GSG1L: variants seen among roughly 807,000 people sequenced by gnomAD.
The protein encoded by GSG1L is germ cell-specific gene 1-like protein.
A neutral mutation model predicts 42.1 loss-of-function variants in GSG1L; 24 were observed. The observed-to-expected ratio is 0.57, with a 90% confidence interval of 0.41 to 0.80. The LOEUF (loss-of-function observed/expected upper bound fraction) is 0.80, where lower values mean the gene tolerates loss of function less well. Among genes scored for constraint, GSG1L ranks in the 30% least tolerant of loss-of-function variants. The probability of loss-of-function intolerance (pLI) is 0.00; values close to 1 mark genes in which losing one functional copy is unlikely to be tolerated. For synonymous variants in GSG1L, 215 were observed against 203.5 expected (o/e 1.06, Z -0.48); for missense variants, 445 against 472.2 (o/e 0.94, Z 0.53).
chr16:27,986,371 G>A (rs2085382255), intron 1 of GSG1L, among the ~76,000 whole-genome samples: 1 of 151,946 alleles, frequency 6.6e-6, no homozygotes, highest in African/African-American at 2.4e-5. Context: ...GTGGTGGTGT[G>A]CACCTGTAAT....
At chr16:27,973,231 C>T (rs1406208193) in intron 1 of GSG1L, among the ~76,000 whole-genome samples, 1 of 151,966 alleles carries the variant, frequency 6.6e-6, no homozygotes, top group Non-Finnish European at 1.5e-5. Context: ...AGGCAGATCA[C>T]CTGAGGTCAG....
At chr16:28,044,031 A>G (rs911710447) in intron 1 of GSG1L, among the ~76,000 whole-genome samples, 3 of 151,382 alleles carry the variant, frequency 2.0e-5, no homozygotes, top group African/African-American at 4.9e-5. Flanking sequence ...GAAAAAAACA[A>G]ACAAAAAAAA....
At chr16:28,013,682 C>A (rs1235546361) in intron 1 of GSG1L, among the ~76,000 whole-genome samples, 1 of 152,348 alleles carries the variant, frequency 6.6e-6, no homozygotes, top group Non-Finnish European at 1.5e-5. Context: ...AGCATTTCAT[C>A]TCCCACAGCA....
chr16:27,997,642 A>G (rs1233775769), intron 1 of GSG1L, among the ~76,000 whole-genome samples: 1 of 151,954 alleles, frequency 6.6e-6, no homozygotes, highest in Non-Finnish European at 1.5e-5. Flanking sequence ...TGATGTGGAC[A>G]TCTTTGCTTG....
chr16:27,791,358 T>G lies in GSG1L; in HGVS notation c.*12A>C. The G allele has an allele frequency of 7.2e-7, 1 of 1,386,344 alleles. No homozygotes were observed. The highest frequency in any genetic ancestry group is 9.4e-7 in the Non-Finnish European group (1 of 1,058,226). The allele number at this position is 1,386,344 out of a possible 1,614,324, so 85.9% of individuals were successfully genotyped here. Reference sequence around the variant, plus strand: ...GATGGCCTGAGGTCCGCGGGCCAGGTTGAGGTCTTGGTCACACCCAGTGCC... The same window carrying G: ...GATGGCCTGAGGTCCGCGGGCCAGGGTGAGGTCTTGGTCACACCCAGTGCC... On this transcript the variant is annotated 3_prime_UTR_variant, in exon 7 of 7. Coordinates refer to ENST00000447459, the MANE Select transcript of GSG1L (RefSeq NM_001109763.2).
intron 6 of GSG1L, among the ~76,000 whole-genome samples, chr16:27,802,637 C>A (rs2082896408): frequency 6.6e-6 from 1 of 151,938 alleles, no homozygotes; most frequent in Non-Finnish European, 1.5e-5. Flanking sequence ...GGAGGTTAGG[C>A]CCCTTTTGTG....
intron 2 of GSG1L, among the ~76,000 whole-genome samples, chr16:27,906,474 G>T (rs184838199): frequency 1.7e-3 from 265 of 152,216 alleles, no homozygotes; most frequent in Non-Finnish European, 2.8e-3. Flanking sequence ...TTCTTACCCC[G>T]CTTCCCTGAG....
At chr16:27,960,937 TACA>T (rs2085063458) in intron 2 of GSG1L, among the ~76,000 whole-genome samples, 1 of 151,832 alleles carries the variant, frequency 6.6e-6, no homozygotes, top group South Asian at 2.1e-4. Flanking sequence ...AACACAAAGA[TACA>T]ACCTCTTTGG....
At chr16:27,935,589 G>T (rs2084706869) in intron 2 of GSG1L, among the ~76,000 whole-genome samples, 1 of 152,026 alleles carries the variant, frequency 6.6e-6, no homozygotes, top group African/African-American at 2.4e-5. Context: ...CCACCCCTCT[G>T]CCTCAAGGCA....
chr16:27,845,618 T>C (rs2140984266), intron 3 of GSG1L, among the ~76,000 whole-genome samples: 1 of 152,296 alleles, frequency 6.6e-6, no homozygotes. Context: ...CTCAGTGTTT[T>C]GTAGACTTTC....
At chr16:27,805,977 G>A (rs528692970) in intron 6 of GSG1L, among the ~76,000 whole-genome samples, 25 of 152,062 alleles carry the variant, frequency 1.6e-4, no homozygotes, top group African/African-American at 5.8e-4. Context: ...TCTGCAGGGA[G>A]CCTGGGGAGG....
At chr16:27,987,552 T>A (rs1402431714) in intron 1 of GSG1L, among the ~76,000 whole-genome samples, 2 of 152,152 alleles carry the variant, frequency 1.3e-5, no homozygotes, top group Non-Finnish European at 2.9e-5. Context: ...AGCTTTATAG[T>A]TGGTGTGTTA....
chr16:28,039,367 T>A (rs2086078769), intron 1 of GSG1L, among the ~76,000 whole-genome samples: 1 of 152,104 alleles, frequency 6.6e-6, no homozygotes, highest in Non-Finnish European at 1.5e-5. Context: ...GCTGGAGAGA[T>A]TCATGGGTGC....
intron 4 of GSG1L, among the ~76,000 whole-genome samples, chr16:27,844,473 C>T (rs964343619): frequency 6.6e-5 from 10 of 152,154 alleles, no homozygotes; most frequent in African/African-American, 2.4e-4. Context: ...AGGCAGGGGT[C>T]GGCAGGGGGT....
intron 1 of GSG1L, among the ~76,000 whole-genome samples, chr16:27,987,901 C>T (rs2085404908): frequency 1.5e-5 from 2 of 131,700 alleles, no homozygotes; most frequent in Admixed American, 9.2e-5. Flanking sequence ...GAGCCGAAAT[C>T]GTGCCACTGC....
chr16:27,956,930 C>T (rs1176509009), intron 2 of GSG1L, among the ~76,000 whole-genome samples: 2 of 152,158 alleles, frequency 1.3e-5, no homozygotes, highest in Admixed American at 1.3e-4. Context: ...TCCTGTGGGT[C>T]ACAGTTATTT....
chr16:27,861,229 T>C (rs1197551116), intron 3 of GSG1L, among the ~76,000 whole-genome samples: 1 of 151,816 alleles, frequency 6.6e-6, no homozygotes, highest in African/African-American at 2.4e-5. Flanking sequence ...ATACAAAAAT[T>C]AGCCAGGCGT....
At chr16:27,799,166 G>A (rs1197191660) in intron 6 of GSG1L, among the ~76,000 whole-genome samples, 1 of 152,000 alleles carries the variant, frequency 6.6e-6, no homozygotes, top group African/African-American at 2.4e-5. Context: ...CACTTTGAAA[G>A]GCTGAAGCGG....
rs151139825 is a variant in GSG1L, at chr16:27,871,822, C to T, written c.550+12664G>A. ...CTATAAATCCATTTATAGAAAATGT[C>T]TAGAATAGGCACATTGATGGAATAG... On this transcript the variant is annotated intron_variant, in intron 3 of 6. Transcript: ENST00000447459. 8.9e-4 allele frequency among the ~76,000 whole-genome samples: 135 copies of T among 152,266 alleles called. 1 individual carries two copies. In the East Asian group the frequency reaches 0.021, roughly 23 times the overall value.
Sources: allele counts gnomAD v4.1 joint callset (sites outside exome capture counted in the v4.1 genomes callset), GRCh38; gene constraint gnomAD v4.1.1; transcripts MANE v1.5; gene names NCBI Gene and HGNC (gene_info 2026-07-23, HGNC 2026-07-21).